The following POU6F2 variants were observed in gnomAD, a reference collection of about 807,000 sequenced individuals.
POU6F2 encodes the protein POU class 6 homeobox 2.
In POU6F2, 31 loss-of-function variants were observed where a neutral mutation model predicts 71.3. The ratio of observed to expected loss-of-function variants is 0.43; its 90% confidence interval spans 0.33 to 0.59. The LOEUF (loss-of-function observed/expected upper bound fraction) is 0.59. Among genes scored for constraint, POU6F2 ranks in the 20% least tolerant of loss-of-function variants. POU6F2 has a pLI of 0.04. For missense variants in POU6F2, 783 were observed against 856.8 expected, an observed-to-expected ratio of 0.91 and a Z score of 1.07; for synonymous variants, 347 against 355.7, an observed-to-expected ratio of 0.98 and a Z score of 0.27.
intron 2 of POU6F2, among the ~76,000 whole-genome samples, chr7:39,098,933 C>A (rs980812564): frequency 6.6e-6 from 1 of 152,222 alleles, no homozygotes; most frequent in Non-Finnish European, 1.5e-5. Context: ...AGTAACCATG[C>A]TTCTCCATAA....
At chr7:39,162,207 A>T (rs923514348) in intron 2 of POU6F2, among the ~76,000 whole-genome samples, 2 of 152,206 alleles carry the variant, frequency 1.3e-5, no homozygotes, top group African/African-American at 4.8e-5. Flanking sequence ...AAGCCATGTG[A>T]TAGAAAAAGA....
chr7:39,349,378 A>G (rs1204068586), intron 5 of POU6F2, among the ~76,000 whole-genome samples: 2 of 151,976 alleles, frequency 1.3e-5, no homozygotes, highest in Non-Finnish European at 2.9e-5. Context: ...CTGCCTCCTC[A>G]TGCCACAGCA....
At chr7:39,054,020 T>A (rs939155350) in intron 1 of POU6F2, among the ~76,000 whole-genome samples, 1 of 151,926 alleles carries the variant, frequency 6.6e-6, no homozygotes, top group African/African-American at 2.4e-5. Flanking sequence ...GGAGAATTGC[T>A]TGAACCTGGA....
intron 4 of POU6F2, among the ~76,000 whole-genome samples, chr7:39,242,920 C>A (rs957745490): frequency 6.6e-6 from 1 of 152,134 alleles, no homozygotes; most frequent in Non-Finnish European, 1.5e-5. Context: ...AGAAGAAAAT[C>A]ACTCACTTAA....
chr7:39,135,134 A>G (rs1451022750), intron 2 of POU6F2, among the ~76,000 whole-genome samples: 1 of 152,248 alleles, frequency 6.6e-6, no homozygotes, highest in Non-Finnish European at 1.5e-5. Flanking sequence ...TGATAAATAT[A>G]TGAACAAAAA....
rs79052835 is a variant in POU6F2, at chr7:39,312,110, C to A, written c.599-27532C>A. Among the ~76,000 whole-genome samples the A allele has an allele frequency of 4.2e-3, 639 of 151,404 alleles. 4 individuals carry two copies. Among genetic ancestry groups the A allele is most frequent in the African/African-American group, 0.015 (614 of 41,228 alleles). On this transcript the variant is annotated intron_variant, in intron 4 of 9. Transcript: ENST00000518318. ...AAGCAACTCACAGAAGAAAAAGATA[C>A]GGAGGATAGACATTGGTGATCCAAC...
At chr7:39,346,429 C>T (rs75980267) in intron 5 of POU6F2, among the ~76,000 whole-genome samples, 3 of 152,274 alleles carry the variant, frequency 2.0e-5, no homozygotes, top group East Asian at 1.9e-4. Flanking sequence ...ATTCTTGCAG[C>T]GTTTGAACAT....
chr7:39,280,714 T>C lies in POU6F2; in HGVS notation c.599-58928T>C, dbSNP rs115711239. Among the ~76,000 whole-genome samples, 853 of 152,342 alleles carry C rather than the reference T, an allele frequency of 5.6e-3. 4 individuals carry two copies. The highest frequency in any genetic ancestry group is 0.02 in the African/African-American group (821 of 41,582). ...CAGCATAATGGAGGAAGAAAACTAATGCAACCAAGATAATGCATAAGATAA... is the reference window on the plus strand; with the variant it reads ...CAGCATAATGGAGGAAGAAAACTAACGCAACCAAGATAATGCATAAGATAA... On this transcript the variant is annotated intron_variant, in intron 4 of 9. Transcript: ENST00000518318.
At chr7:39,091,067 A>G (rs954396006) in intron 2 of POU6F2, among the ~76,000 whole-genome samples, 2 of 152,196 alleles carry the variant, frequency 1.3e-5, no homozygotes, top group African/African-American at 2.4e-5. Flanking sequence ...TTAGTTTAGT[A>G]GATTCCCCGC....
chr7:39,172,668 T>G (rs112540863), intron 2 of POU6F2, among the ~76,000 whole-genome samples: 1 of 150,184 alleles, frequency 6.7e-6, no homozygotes, highest in Non-Finnish European at 1.5e-5. Context: ...TTGCCCAGAC[T>G]GAAGTGCAGT....
At position 39,464,179 on chromosome 7, in the gene POU6F2, C is replaced by A; in HGVS notation, c.1659-3C>A. 1 of 1,612,860 alleles carries A rather than the reference C, an allele frequency of 6.2e-7. No homozygotes were observed. Among genetic ancestry groups the A allele is most frequent in the South Asian group, 1.1e-5 (1 of 91,012 alleles). On this transcript the variant is annotated splice_region_variant and splice_polypyrimidine_tract_variant and intron_variant, in intron 9 of 9. Transcript: ENST00000518318. This position sits in a 1 kb window ranked among gnomAD's most constrained non-coding sequence, Gnocchi z 4.1. ...ACTGTTCTTTCTCAATTTTCCCCCC[C>A]AGACACACCATCCTGAGAAGCCACT...
At chr7:39,045,386 G>A (rs967021748) in intron 1 of POU6F2, among the ~76,000 whole-genome samples, 4 of 151,776 alleles carry the variant, frequency 2.6e-5, no homozygotes, top group African/African-American at 9.7e-5. Context: ...GCAAGTTATA[G>A]CTCTTTATGC....
At chr7:39,022,167 T>A (rs940588570) in intron 1 of POU6F2, among the ~76,000 whole-genome samples, 1 of 152,088 alleles carries the variant, frequency 6.6e-6, no homozygotes. Context: ...ATATTCACTA[T>A]TTGTTACTTT....
chr7:39,180,699 A>G (rs937490291), intron 2 of POU6F2, among the ~76,000 whole-genome samples: 1 of 152,102 alleles, frequency 6.6e-6, no homozygotes, highest in East Asian at 1.9e-4. Context: ...GTTTAGTTCA[A>G]TGCTCTGCTG....
intron 2 of POU6F2, among the ~76,000 whole-genome samples, chr7:39,131,409 G>A (rs1052197126): frequency 6.6e-6 from 1 of 152,210 alleles, no homozygotes; most frequent in Non-Finnish European, 1.5e-5. Flanking sequence ...TTGATAAGCT[G>A]AGTGCTGTAA....
intron 2 of POU6F2, among the ~76,000 whole-genome samples, chr7:39,102,403 G>A (rs1183420866): frequency 1.3e-5 from 2 of 152,024 alleles, no homozygotes; most frequent in East Asian, 1.9e-4. Flanking sequence ...GTATTATCAT[G>A]ACTCGTGCAT....
chr7:39,323,882 G>T (rs1324420075), intron 4 of POU6F2, among the ~76,000 whole-genome samples: 1 of 152,016 alleles, frequency 6.6e-6, no homozygotes. Context: ...GCTGAGGCAG[G>T]TGATCACCTG....
intron 4 of POU6F2, among the ~76,000 whole-genome samples, chr7:39,300,833 G>A (rs946112349): frequency 2.7e-5 from 4 of 147,304 alleles, no homozygotes; most frequent in East Asian, 2.0e-4. Context: ...TCCTATCTCT[G>A]AACACAGTCA....
intron 1 of POU6F2, among the ~76,000 whole-genome samples, chr7:39,030,364 A>G (rs1422015856): frequency 2.0e-5 from 3 of 150,066 alleles, no homozygotes; most frequent in Non-Finnish European, 4.4e-5. Flanking sequence ...TTATATTTCC[A>G]TTTCAGTTTT....
Sources: allele counts gnomAD v4.1 joint callset (sites outside exome capture counted in the v4.1 genomes callset), GRCh38; gene constraint gnomAD v4.1.1; non-coding constraint Gnocchi (gnomAD v3.1); transcripts MANE v1.5; gene names NCBI Gene and HGNC (gene_info 2026-07-23, HGNC 2026-07-21).